ACAD9: variants seen among roughly 807,000 people sequenced by gnomAD.
The protein encoded by ACAD9 is complex I assembly factor ACAD9, mitochondrial.
In ACAD9, 53 loss-of-function variants were observed where a neutral mutation model predicts 70.2. The observed-to-expected ratio is 0.75, with a 90% confidence interval of 0.61 to 0.95. The LOEUF (loss-of-function observed/expected upper bound fraction) is 0.95, where lower values mean the gene tolerates loss of function less well. Ranked by LOEUF, ACAD9 falls within the 40% of genes least tolerant of loss-of-function variation. ACAD9 has a pLI of 0.00. For missense variants in ACAD9, 777 were observed against 802.8 expected (o/e 0.97, Z 0.39); for synonymous variants, 313 against 312.1 (o/e 1.00, Z -0.03).
chr3:128,886,015 T>TAA (rs1418343660), intron 2 of ACAD9, among the ~76,000 whole-genome samples: 4 of 141,024 alleles, frequency 2.8e-5, no homozygotes, highest in African/African-American at 5.2e-5. Flanking sequence ...TGACTTTGTC[T>TAA]AAAAAAAAAA....
intron 2 of ACAD9, among the ~76,000 whole-genome samples, chr3:128,890,355 G>A (rs13434000): frequency 0.086 from 13,095 of 151,884 alleles, 1,545 homozygotes; most frequent in African/African-American, 0.27. Flanking sequence ...CATAGTGCTC[G>A]GATTACAGGT....
intron 13 of ACAD9, 122 bp from the exon 14 acceptor site, chr3:128,908,839 AGGCTGTAGCCAG>A (rs1936000741): frequency 2.1e-6 from 3 of 1,432,566 alleles, no homozygotes; most frequent in Non-Finnish European, 1.9e-6. Flanking sequence ...GGGGGGGTTC[AGGCTGTAGCCAG>A]GGGCCCAGCA....
intron 17 of ACAD9, 41 bp from the exon 18 acceptor site, chr3:128,912,466 G>C: frequency 6.4e-7 from 1 of 1,568,154 alleles, no homozygotes; most frequent in African/African-American, 1.4e-5. Context: ...TCTTATCACG[G>C]TGCAGAAAGA....
chr3:128,908,502 C>CCAT, intron 13 of ACAD9: 1 of 600,684 alleles, frequency 1.7e-6, no homozygotes, highest in Admixed American at 2.9e-5. Context: ...ACCGTATCCC[C>CCAT]CATCTGGTCC....
intron 13 of ACAD9, 32 bp downstream of exon 13, chr3:128,908,296 G>A (rs1265162635): frequency 9.9e-6 from 16 of 1,612,420 alleles, no homozygotes; most frequent in African/African-American, 2.7e-5. Flanking sequence ...TGCTTCTCAG[G>A]TCCCATACCT....
At chr3:128,882,349 A>G (rs757993516) in intron 1 of ACAD9, among the ~76,000 whole-genome samples, 3 of 152,256 alleles carry the variant, frequency 2.0e-5, no homozygotes, top group African/African-American at 2.4e-5. Flanking sequence ...CACCTGTTCA[A>G]ACAGAACACC....
At chr3:128,888,234 G>A (rs924981426) in intron 2 of ACAD9, among the ~76,000 whole-genome samples, 2 of 152,066 alleles carry the variant, frequency 1.3e-5, no homozygotes, top group Non-Finnish European at 2.9e-5. Flanking sequence ...ACTACACTGC[G>A]CCCCACTGTA....
intron 2 of ACAD9, among the ~76,000 whole-genome samples, chr3:128,887,695 A>T (rs1483138118): frequency 6.7e-6 from 1 of 149,830 alleles, no homozygotes; most frequent in Non-Finnish European, 1.5e-5. Flanking sequence ...AACCAAACCC[A>T]CTCCCTCTCA....
At position 128,909,237 on chromosome 3, in the gene ACAD9, G is replaced by T. The variant is rs1270953415; in HGVS notation, c.1486-107G>T. 15 of 1,597,948 alleles carry T rather than the reference G, an allele frequency of 9.4e-6. No individual in the cohort carries two copies. In the East Asian group the frequency reaches 3.4e-4, roughly 36 times the overall value. On this transcript the variant is annotated intron_variant, in intron 14 of 17. Coordinates refer to ENST00000308982, the MANE Select transcript of ACAD9 (RefSeq NM_014049.5). ...AACACCAGCTAGTCCATGACACCCTGGATTGCTTCCCCCAGATGGGGCATC... is the reference window on the plus strand; with the variant it reads ...AACACCAGCTAGTCCATGACACCCTTGATTGCTTCCCCCAGATGGGGCATC...
chr3:128,898,701 A>G (rs1211973816), intron 6 of ACAD9, among the ~76,000 whole-genome samples: 1 of 152,154 alleles, frequency 6.6e-6, no homozygotes, highest in African/African-American at 2.4e-5. Context: ...TGCCCAGCTA[A>G]TAATTTCTTA....
chr3:128,893,758 G>T, intron 3 of ACAD9, 102 bp downstream of exon 3: 1 of 997,394 alleles, frequency 1.0e-6, no homozygotes, highest in Non-Finnish European at 1.6e-6. Context: ...CACCATCCGT[G>T]GTGGGCTACT....
At position 128,894,345 on chromosome 3, in the gene ACAD9, C is replaced by A. The variant is rs898424800; in HGVS notation, c.346+689C>A. On this transcript the variant is annotated intron_variant, in intron 3 of 17. Coordinates refer to ENST00000308982, the MANE Select transcript of ACAD9 (RefSeq NM_014049.5). The stretch of plus-strand genomic sequence containing the variant: ...TCTGGATACTGGGCAGTGGGTCACA[C>A]TATAGTTGTTGCATTTATAAAGACC... 2.0e-5 allele frequency among the ~76,000 whole-genome samples: 3 copies of A among 152,170 alleles called. No homozygotes were observed. In the East Asian group the frequency reaches 5.8e-4, roughly 29 times the overall value.
chr3:128,898,169 A>C (rs894604073), intron 6 of ACAD9, among the ~76,000 whole-genome samples: 2 of 151,852 alleles, frequency 1.3e-5, no homozygotes. Flanking sequence ...GTAAACCCAA[A>C]AAATCTTTAA....
At chr3:128,910,881 T>C in intron 17 of ACAD9, 68 bp downstream of exon 17, 1 of 1,561,984 alleles carries the variant, frequency 6.4e-7, no homozygotes, top group South Asian at 1.1e-5. Context: ...GGTGAGCTGT[T>C]TCTGGACCCT....
intron 2 of ACAD9, 23 bp from the exon 3 acceptor site, chr3:128,893,532 A>C (rs777963844): frequency 6.5e-7 from 1 of 1,547,530 alleles, no homozygotes; most frequent in South Asian, 1.1e-5. Context: ...ATATTTGTTT[A>C]ATCAAGATTT....
At chr3:128,895,722 T>TC (rs200704935) in intron 4 of ACAD9, among the ~76,000 whole-genome samples, 1 of 151,308 alleles carries the variant, frequency 6.6e-6, no homozygotes, top group South Asian at 2.1e-4. Flanking sequence ...GGAAGTGGTC[T>TC]CTCCTGAGCC....
At chr3:128,893,749 A>G in intron 3 of ACAD9, 93 bp downstream of exon 3, 1 of 1,094,478 alleles carries the variant, frequency 9.1e-7, no homozygotes, top group East Asian at 2.4e-5. Flanking sequence ...AATAGATGAC[A>G]CCATCCGTGG....
intron 1 of ACAD9, among the ~76,000 whole-genome samples, chr3:128,881,163 C>T (rs753106724): frequency 6.6e-6 from 1 of 152,212 alleles, no homozygotes; most frequent in Non-Finnish European, 1.5e-5. Flanking sequence ...CTAGAAAGTG[C>T]GGAGCTATGT....
intron 2 of ACAD9, among the ~76,000 whole-genome samples, chr3:128,892,213 G>A (rs564427262): frequency 6.6e-6 from 1 of 152,262 alleles, no homozygotes; most frequent in Admixed American, 6.5e-5. Context: ...TGTTTTCACT[G>A]ACAAATATGT....
Sources: allele counts gnomAD v4.1 joint callset (sites outside exome capture counted in the v4.1 genomes callset), GRCh38; gene constraint gnomAD v4.1.1; transcripts MANE v1.5; gene names NCBI Gene and HGNC (gene_info 2026-07-23, HGNC 2026-07-21).